GABBR2: variants seen among roughly 807,000 people sequenced by gnomAD.
GABBR2 encodes the protein G-protein coupled receptor 51.
Under a neutral mutation model 105.6 loss-of-function variants are expected in GABBR2, and 23 were observed. That is an observed-to-expected ratio of 0.22 (90% CI 0.16 to 0.31). The LOEUF is 0.31. Among genes scored for constraint, GABBR2 ranks in the 10% least tolerant of loss-of-function variants. The pLI, the probability that GABBR2 is intolerant of heterozygous loss-of-function variation, is 1.00. For synonymous variants in GABBR2, 478 were observed against 499.7 expected (o/e 0.96, Z 0.58); for missense variants, 734 against 1,245.5 (o/e 0.59, Z 6.18).
intron 3 of GABBR2, among the ~76,000 whole-genome samples, chr9:98,526,716 CAT>C (rs1827968823): frequency 6.6e-6 from 1 of 152,190 alleles, no homozygotes; most frequent in Admixed American, 6.5e-5. Context: ...GCACTCAATA[CAT>C]ATGTCTTAAA....
intron 1 of GABBR2, among the ~76,000 whole-genome samples, chr9:98,587,535 A>G (rs568266491): frequency 1.3e-5 from 2 of 152,356 alleles, no homozygotes; most frequent in African/African-American, 4.8e-5. Context: ...ATGGAGGAGG[A>G]CTTGTGGTAA....
intron 1 of GABBR2, among the ~76,000 whole-genome samples, chr9:98,675,326 C>T (rs112402362): frequency 0.012 from 1,783 of 152,002 alleles, 14 homozygotes; most frequent in Non-Finnish European, 0.019. Flanking sequence ...GCCAGGTGAA[C>T]GGCTGTGGCA....
At chr9:98,462,165 G>A (rs907772566) in intron 6 of GABBR2, among the ~76,000 whole-genome samples, 46 of 152,120 alleles carry the variant, frequency 3.0e-4, no homozygotes, top group African/African-American at 1.1e-3. Context: ...CCAGGACACA[G>A]TTATACATAT....
At chr9:98,655,246 G>C (rs982090228) in intron 1 of GABBR2, among the ~76,000 whole-genome samples, 3 of 152,168 alleles carry the variant, frequency 2.0e-5, no homozygotes, top group Non-Finnish European at 4.4e-5. Flanking sequence ...AGAAAGTATT[G>C]AAGTAGGTTC....
chr9:98,343,301 C>A (rs1831245985), intron 13 of GABBR2, among the ~76,000 whole-genome samples: 1 of 152,176 alleles, frequency 6.6e-6, no homozygotes, highest in Non-Finnish European at 1.5e-5. Flanking sequence ...TCGGGGTGTG[C>A]AGGCAGCCTC....
At chr9:98,501,080 C>G (rs1827388504) in intron 3 of GABBR2, among the ~76,000 whole-genome samples, 1 of 151,780 alleles carries the variant, frequency 6.6e-6, no homozygotes, top group Admixed American at 6.6e-5. Context: ...AATGTATTAA[C>G]TGAGCAAGGC....
intron 7 of GABBR2, among the ~76,000 whole-genome samples, chr9:98,447,537 ATGTGTGTGTGTGTGTGTGTGTGTG>A (rs58069151): frequency 7.0e-6 from 1 of 142,402 alleles, no homozygotes; most frequent in African/African-American, 2.6e-5. Flanking sequence ...ACTAGTATGT[ATGTGTGTGTGTGTGTGTGTGTGTG>A]TGTGTGTGTG....
chr9:98,690,851 G>T (rs1275721792), intron 1 of GABBR2, among the ~76,000 whole-genome samples: 1 of 152,220 alleles, frequency 6.6e-6, no homozygotes, highest in Non-Finnish European at 1.5e-5. Flanking sequence ...CAGACTGGCT[G>T]CCCATCAGCC....
At chr9:98,577,856 G>T in intron 2 of GABBR2, 79 bp downstream of exon 2, 2 of 1,397,474 alleles carry the variant, frequency 1.4e-6, no homozygotes, top group Non-Finnish European at 2.0e-6. Flanking sequence ...AAACCACATT[G>T]TACAAGGAAT....
At chr9:98,447,679 C>A (rs1339729460) in intron 7 of GABBR2, among the ~76,000 whole-genome samples, 5 of 151,990 alleles carry the variant, frequency 3.3e-5, no homozygotes, top group Non-Finnish European at 7.4e-5. Context: ...GCCAACATTG[C>A]AAATTCCCCT....
At chr9:98,595,253 C>A (rs1829216350) in intron 1 of GABBR2, among the ~76,000 whole-genome samples, 1 of 151,954 alleles carries the variant, frequency 6.6e-6, no homozygotes, top group African/African-American at 2.4e-5. Context: ...CCTTGTACCT[C>A]TTTTATAAGG....
At chr9:98,677,613 T>C (rs1174466513) in intron 1 of GABBR2, among the ~76,000 whole-genome samples, 1 of 152,168 alleles carries the variant, frequency 6.6e-6, no homozygotes, top group Non-Finnish European at 1.5e-5. Flanking sequence ...AATCATGTCA[T>C]TTCCCTGCTC....
chr9:98,475,373 A>T (rs1292960845), intron 5 of GABBR2, among the ~76,000 whole-genome samples: 1 of 152,048 alleles, frequency 6.6e-6, no homozygotes, highest in Admixed American at 6.5e-5. Context: ...AGAAAAGAAA[A>T]GAAAAGAAAT....
rs117838536 is a variant in GABBR2, at chr9:98,667,400, C to A, written c.321+41017G>T. 2.0e-4 allele frequency among the ~76,000 whole-genome samples: 31 copies of A among 152,256 alleles called. No individual in the cohort carries two copies. In the East Asian group the frequency reaches 4.6e-3, roughly 23 times the overall value. On this transcript the variant is annotated intron_variant, in intron 1 of 18. Transcript: ENST00000259455. Reference sequence around the variant, plus strand: ...CAGGTCCTCCCTTCCCCTTCAGGAGCTGGGCACCGCTACCCCAGCTGCAGG... The same window carrying A: ...CAGGTCCTCCCTTCCCCTTCAGGAGATGGGCACCGCTACCCCAGCTGCAGG...
intron 16 of GABBR2, among the ~76,000 whole-genome samples, chr9:98,300,872 C>G (rs1422649444): frequency 6.6e-6 from 1 of 152,176 alleles, no homozygotes; most frequent in Non-Finnish European, 1.5e-5. Context: ...GGGTTTAGAT[C>G]ATGCATTTTT....
intron 13 of GABBR2, among the ~76,000 whole-genome samples, chr9:98,360,017 GC>G (rs1440810224): frequency 6.6e-6 from 1 of 152,194 alleles, no homozygotes; most frequent in East Asian, 1.9e-4. Flanking sequence ...CACAGCATGA[GC>G]AAAGGCTAGG....
At chr9:98,441,283 T>G (rs957200821) in intron 7 of GABBR2, among the ~76,000 whole-genome samples, 1 of 146,542 alleles carries the variant, frequency 6.8e-6, no homozygotes, top group Non-Finnish European at 1.5e-5. Flanking sequence ...TCTATCATAA[T>G]AAATAATAGC....
intron 3 of GABBR2, among the ~76,000 whole-genome samples, chr9:98,505,597 G>A (rs1031589124): frequency 4.6e-5 from 7 of 152,196 alleles, no homozygotes; most frequent in African/African-American, 1.2e-4. Context: ...CTTTGCAGAC[G>A]TAATTAACTG....
chr9:98,387,797 T>C (rs58094632), intron 10 of GABBR2, among the ~76,000 whole-genome samples: 6,189 of 132,426 alleles, frequency 0.047, 448 homozygotes, highest in African/African-American at 0.15. Context: ...TTAATTAAAA[T>C]AATTAATTAA....
Sources: allele counts gnomAD v4.1 joint callset (sites outside exome capture counted in the v4.1 genomes callset), GRCh38; gene constraint gnomAD v4.1.1; transcripts MANE v1.5; gene names NCBI Gene and HGNC (gene_info 2026-07-23, HGNC 2026-07-21).